The following MCM6 variants were observed in gnomAD, a reference collection of about 807,000 sequenced individuals.
MCM6 encodes the protein minichromosome maintenance complex component 6, also known as DNA replication licensing factor MCM6.
MCM6 carries 46 observed loss-of-function variants against 94.3 expected under a neutral mutation model. The ratio of observed to expected loss-of-function variants is 0.49; its 90% CI spans 0.39 to 0.62. The LOEUF is 0.62. Ranked by LOEUF, MCM6 falls within the 20% of genes least tolerant of loss-of-function variation. The pLI is 0.00. For missense variants in MCM6, 865 were observed against 1,017.9 expected (o/e 0.85, Z 2.04); for synonymous variants, 335 against 351.9 (o/e 0.95, Z 0.54).
At chr2:135,859,635 G>A (rs186539975) in intron 8 of MCM6, among the ~76,000 whole-genome samples, 193 bp from the exon 9 acceptor site, 1 of 150,766 alleles carries the variant, frequency 6.6e-6, no homozygotes, top group Non-Finnish European at 1.5e-5. Flanking sequence ...AGAGGGTCTC[G>A]CTCTGTCACC....
intron 4 of MCM6, among the ~76,000 whole-genome samples, chr2:135,868,328 A>G (rs2105590402): frequency 6.6e-6 from 1 of 152,354 alleles, no homozygotes. Context: ...TCTTAACTCC[A>G]GTTCATAATG....
chr2:135,845,426 G>A (rs2105572240), intron 15 of MCM6, among the ~76,000 whole-genome samples: 1 of 152,326 alleles, frequency 6.6e-6, no homozygotes, highest in East Asian at 1.9e-4. Flanking sequence ...CATTTTGTGT[G>A]AGACGCGAAT....
intron 1 of MCM6, 131 bp from the exon 2 acceptor site, chr2:135,872,974 G>A (rs1361515745): frequency 9.2e-7 from 1 of 1,082,572 alleles, no homozygotes; most frequent in South Asian, 1.6e-5. Context: ...TCTGTAACTT[G>A]GGGCAAGTTA....
At chr2:135,860,260 G>A (rs1679965751) in intron 8 of MCM6, among the ~76,000 whole-genome samples, 1 of 151,886 alleles carries the variant, frequency 6.6e-6, no homozygotes, top group African/African-American at 2.4e-5. Context: ...AGCCTCTCGA[G>A]TAGCTGGGAC....
chr2:135,870,274 G>T lies in MCM6; in HGVS notation c.342C>A (p.Phe114Leu). Residue 114 changes from phenylalanine to leucine, a missense_variant, in exon 3 of 17, where the codon TTC becomes TTA. Coordinates refer to ENST00000264156, the MANE Select transcript of MCM6 (RefSeq NM_005915.6). ...IPLAKDFYVAFQDLPTRHKIR... is the reference protein window; with the variant it reads ...IPLAKDFYVALQDLPTRHKIR... ...ACTTGTGTCTGGTAGGCAGGTCTTG[G>T]AATGCAACATAAAAATCCTTGGCAA... 1 of 1,613,518 alleles carries T rather than the reference G, an allele frequency of 6.2e-7. No individual in the cohort carries two copies. The highest frequency in any genetic ancestry group is 8.5e-7 in the Non-Finnish European group (1 of 1,179,506).
chr2:135,876,414 G>C lies in MCM6; in HGVS notation c.-49C>G. 1 of 1,510,696 alleles carries C rather than the reference G, an allele frequency of 6.6e-7. No homozygotes were observed. Among genetic ancestry groups the C allele is most frequent in the Non-Finnish European group, 8.9e-7 (1 of 1,123,680 alleles). The allele number at this position is 1,510,696 out of a possible 1,614,324, so 93.6% of individuals were successfully genotyped here. On this transcript the variant is annotated 5_prime_UTR_variant, in exon 1 of 17. Coordinates refer to ENST00000264156, the MANE Select transcript of MCM6 (RefSeq NM_005915.6). ...CCTGCGCCACGCTCGACCGCCACAAGTCGCTTTTTTCCAGACGCTGCAGCT... is the reference window on the plus strand; with the variant it reads ...CCTGCGCCACGCTCGACCGCCACAACTCGCTTTTTTCCAGACGCTGCAGCT...
intron 13 of MCM6, among the ~76,000 whole-genome samples, chr2:135,849,453 G>T (rs980047450): frequency 6.6e-6 from 1 of 152,140 alleles, no homozygotes; most frequent in Non-Finnish European, 1.5e-5. Flanking sequence ...ATACGTTACT[G>T]AATAGGAAAA....
chr2:135,840,029 T>G lies in MCM6; in HGVS notation c.*806A>C, dbSNP rs1304141900. The stretch of plus-strand genomic sequence containing the variant: ...CTGATCATAGCTAAGTCTCAGGAAC[T>G]GTTAGTATCATAAACGGTAATAACT... On this transcript the variant is annotated 3_prime_UTR_variant, in exon 17 of 17. Transcript: ENST00000264156. 6.6e-6 allele frequency: 1 copy of G among 152,216 alleles called. No individual in the cohort carries two copies. Among genetic ancestry groups the G allele is most frequent in the Non-Finnish European group, 1.5e-5 (1 of 68,042 alleles). 9.4% of individuals were successfully genotyped at this position (152,216 alleles called of 1,614,324 possible).
rs1319909322 is a variant in MCM6 at position 135,862,733 on chromosome 2, T to C, written c.1094A>G (p.Lys365Arg). The C allele has an allele frequency of 8.7e-6, 14 of 1,613,860 alleles. No individual in the cohort carries two copies. Among genetic ancestry groups the C allele is most frequent in the Admixed American group, 8.3e-5 (5 of 59,938 alleles). Reference sequence around the variant, plus strand: ...AAAGAGCATCAGCAGGACACCCCGTTTTACTTCATCATTGCCTGAAATGAA... The same window carrying C: ...AAAGAGCATCAGCAGGACACCCCGTCTTACTTCATCATTGCCTGAAATGAA... ...FPTIHGNDEV[K>R]RGVLLMLFGG... The change falls in exon 8 of 17, where the codon AAA becomes AGA. Residue 365 changes from lysine to arginine, a missense_variant. By Grantham distance (26) the Lys-to-Arg change is conservative. This residue lies in a region of MCM6 where 404 missense variants were observed against 451.9 expected (regional missense o/e 0.89). Transcript: ENST00000264156.
intron 11 of MCM6, 126 bp from the exon 12 acceptor site, chr2:135,853,041 G>T: frequency 1.4e-6 from 1 of 727,812 alleles, no homozygotes; most frequent in Non-Finnish European, 2.1e-6. Flanking sequence ...AGTATTAATG[G>T]GTACCAAGTT....
Position 135,851,455 on chromosome 2 carries a change from C to G in MCM6, c.1864G>C (p.Glu622Gln). 6.2e-7 allele frequency: 1 copy of G among 1,613,820 alleles called. No homozygotes were observed. Among genetic ancestry groups the G allele is most frequent in the Non-Finnish European group, 8.5e-7 (1 of 1,179,886 alleles). The change falls in exon 13 of 17, where the codon GAG becomes CAG. Residue 622 changes from glutamate (E) to glutamine (Q), a missense_variant. Coordinates refer to ENST00000264156, the MANE Select transcript of MCM6 (RefSeq NM_005915.6). ...GCTTCAGAGAGACGAATCATGCTCT[C>G]AAGCTGTCGCACTGTAATCCTCCAT... ...SSWRITVRQL[E>Q]SMIRLSEAMA...
rs769873175 is a variant in MCM6, at chr2:135,866,149, C to T, written c.910G>A (p.Ala304Thr). The T allele has an allele frequency of 4.3e-6, 7 of 1,613,940 alleles. No individual in the cohort carries two copies. Among genetic ancestry groups the T allele is most frequent in the African/African-American group, 4.0e-5 (3 of 74,882 alleles). The change falls in exon 6 of 17, where the codon GCG becomes ACG. Residue 304 changes from alanine to threonine, a missense_variant. Physicochemically the swap from Ala to Thr is moderately conservative, Grantham distance 58 (BLOSUM62 0). This residue lies in a region of MCM6 where 404 missense variants were observed against 451.9 expected (regional missense o/e 0.89). Transcript: ENST00000264156. ...YRLVFLACCV[A>T]PTNPRFGGKE... ...CGACTGACCCTTGGGTTGGTTGGCG[C>T]AACACAGCAGGCAAGAAAGACCAGC...
intron 8 of MCM6, among the ~76,000 whole-genome samples, chr2:135,860,881 G>A (rs1385406881): frequency 1.3e-5 from 2 of 152,008 alleles, no homozygotes; most frequent in Non-Finnish European, 2.9e-5. Context: ...TCTAATCAAG[G>A]ACAATTAGGC....
intron 4 of MCM6, among the ~76,000 whole-genome samples, chr2:135,868,373 G>A (rs1282774024): frequency 1.3e-5 from 2 of 152,082 alleles, no homozygotes; most frequent in Non-Finnish European, 2.9e-5. Context: ...TTTATTCTTT[G>A]ACAAATACAT....
At chr2:135,851,708 T>G (rs548228501) in intron 12 of MCM6, 145 bp from the exon 13 acceptor site, 1 of 521,122 alleles carries the variant, frequency 1.9e-6, no homozygotes, top group Non-Finnish European at 3.2e-6. Context: ...AATAAATTAC[T>G]ATTGTAATGT....
In MCM6 at chr2:135,840,919, T is replaced by G. The variant is rs1470213329; in HGVS notation, c.2382A>C (p.Gly794=). The part of the protein sequence containing the change: ...DHVLIELTQA[G]LKGSTEGSES... ...CACTTCCCTCTGTGGAGCCTTTCAA[T>G]CCAGCCTGGGTGAGCTCAATTAGAA... The change falls in exon 17 of 17, where the codon GGA becomes GGC. Residue 794 remains glycine (G), a synonymous_variant. Coordinates refer to ENST00000264156, the MANE Select transcript of MCM6 (RefSeq NM_005915.6). The G allele has an allele frequency of 1.2e-6, 2 of 1,614,152 alleles. No homozygotes were observed. Among genetic ancestry groups the G allele is most frequent in the Middle Eastern group, 1.6e-4 (1 of 6,062 alleles).
At chr2:135,853,130 C>A (rs1679807668) in intron 11 of MCM6, among the ~76,000 whole-genome samples, 1 of 152,126 alleles carries the variant, frequency 6.6e-6, no homozygotes, top group Non-Finnish European at 1.5e-5. Context: ...AAAACTATAC[C>A]TGAAGGAATT....
chr2:135,872,229 T>C (rs1381977902), intron 2 of MCM6, among the ~76,000 whole-genome samples: 1 of 152,174 alleles, frequency 6.6e-6, no homozygotes, highest in Non-Finnish European at 1.5e-5. Context: ...GCGGATCACC[T>C]GAGATCAGGA....
chr2:135,860,289 C>A (rs943704181), intron 8 of MCM6, among the ~76,000 whole-genome samples: 1 of 151,872 alleles, frequency 6.6e-6, no homozygotes, highest in East Asian at 1.9e-4. Flanking sequence ...CTCGCCACCA[C>A]ACCCGGCTAA....
Sources: allele counts gnomAD v4.1 joint callset (sites outside exome capture counted in the v4.1 genomes callset), GRCh38; gene constraint gnomAD v4.1.1; regional missense constraint gnomAD v4.1.1; transcripts MANE v1.5; gene names NCBI Gene and HGNC (gene_info 2026-07-23, HGNC 2026-07-21).